Variants in DNAJC6 observed in about 807,000 individuals in gnomAD.
DNAJC6 encodes the protein DnaJ heat shock protein family (Hsp40) member C6.
DNAJC6 carries 34 observed loss-of-function variants against 110.0 expected under a neutral mutation model. The observed-to-expected ratio is 0.31, with a 90% CI of 0.24 to 0.41. The LOEUF (loss-of-function observed/expected upper bound fraction) is 0.41. Ranked by LOEUF, DNAJC6 falls within the 10% of genes least tolerant of loss-of-function variation. The pLI, the probability that DNAJC6 is intolerant of heterozygous loss-of-function variation, is 1.00. For missense variants in DNAJC6, 1,031 were observed against 1,207.8 expected, an observed-to-expected ratio of 0.85 and a Z score of 2.17; for synonymous variants, 406 against 437.2, an observed-to-expected ratio of 0.93 and a Z score of 0.89.
In DNAJC6 at chr1:65,349,875, A is replaced by C. The variant is rs543341380; in HGVS notation, c.194-14760A>C. On this transcript the variant is annotated intron_variant, in intron 1 of 18. Coordinates refer to ENST00000371069, the MANE Select transcript of DNAJC6 (RefSeq NM_001256864.2). ...AGGGACAATGTTGGTTCTCTAGGAA[A>C]CGTTTGGCAATGTTTGGAGGTATTT... 2.0e-5 allele frequency among the ~76,000 whole-genome samples: 3 copies of C among 152,236 alleles called. No homozygotes were observed. The South Asian group carries it at 6.2e-4, about 32-fold the overall frequency.
Position 65,386,867 on chromosome 1 carries a change from G to A in DNAJC6, c.1051G>A (p.Gly351Arg). The A allele has an allele frequency of 1.9e-6, 3 of 1,614,146 alleles. No individual in the cohort carries two copies. Among genetic ancestry groups the A allele is most frequent in the South Asian group, 1.1e-5 (1 of 91,082 alleles). ...IFIPLNITVQ[G>R]DVVVSMYHLR... ...CATTCCCTTGAACATCACTGTGCAA[G>A]GAGACGTGGTTGTTTCCATGTATCA... The change falls in exon 8 of 19, where the codon GGA (glycine) becomes AGA (arginine). Residue 351 changes from glycine (G) to arginine (R), a missense_variant. Gly to Arg is a moderately radical substitution (Grantham distance 125). Coordinates refer to ENST00000371069, the MANE Select transcript of DNAJC6 (RefSeq NM_001256864.2).
chr1:65,324,007 G>A (rs1258909643), intron 1 of DNAJC6, among the ~76,000 whole-genome samples: 4 of 152,188 alleles, frequency 2.6e-5, no homozygotes, highest in Admixed American at 2.6e-4. Flanking sequence ...AACTTGATAA[G>A]TGTTGGCTGT....
At chr1:65,289,596 T>C (rs956784431) in intron 1 of DNAJC6, among the ~76,000 whole-genome samples, 1 of 152,310 alleles carries the variant, frequency 6.6e-6, no homozygotes, top group Admixed American at 6.5e-5. Flanking sequence ...CATAAGTTTA[T>C]TGGGTATTTG....
intron 8 of DNAJC6, 29 bp downstream of exon 8, chr1:65,386,958 A>AGTTCAT (rs764488209): frequency 2.0e-6 from 3 of 1,538,248 alleles, no homozygotes; most frequent in Non-Finnish European, 2.7e-6. Context: ...TCATGGCATA[A>AGTTCAT]GTTCATCTGA....
In DNAJC6 at chr1:65,394,771, A is replaced by G. The variant is rs1374144193; in HGVS notation, c.1904-127A>G. 10 of 1,117,540 alleles carry G rather than the reference A, an allele frequency of 8.9e-6. No individual in the cohort carries two copies. The African/African-American group carries it at 9.7e-5, about 11-fold the overall frequency. 69.2% of individuals were successfully genotyped at this position (1,117,540 alleles called of 1,614,324 possible). The stretch of plus-strand genomic sequence containing the variant: ...TTCATCCAACAGGTAAGTCCAGACT[A>G]CTCCTTTGTCCACAAAGATAGGAAA... On this transcript the variant is annotated intron_variant, in intron 12 of 18. Coordinates refer to ENST00000371069, the MANE Select transcript of DNAJC6 (RefSeq NM_001256864.2).
At chr1:65,337,192 C>T (rs1189041840) in intron 1 of DNAJC6, among the ~76,000 whole-genome samples, 1 of 148,056 alleles carries the variant, frequency 6.8e-6, no homozygotes, top group African/African-American at 2.5e-5. Flanking sequence ...TCTCGTAGGT[C>T]GTGTTTTGTA....
At chr1:65,309,222 C>T (rs2101352820), upstream of DNAJC6, among the ~76,000 whole-genome samples, 1 of 152,086 alleles carries the variant, frequency 6.6e-6, no homozygotes, top group African/African-American at 2.4e-5. Flanking sequence ...CGAACACACC[C>T]TCCCAACCCA....
intron 13 of DNAJC6, among the ~76,000 whole-genome samples, chr1:65,395,350 GA>G (rs953107585): frequency 6.6e-6 from 1 of 152,038 alleles, no homozygotes; most frequent in Admixed American, 6.6e-5. Flanking sequence ...CAATAAGAAA[GA>G]AAAAAACACT....
intron 1 of DNAJC6, among the ~76,000 whole-genome samples, chr1:65,276,966 C>T (rs140268612): frequency 4.2e-4 from 64 of 152,314 alleles, no homozygotes; most frequent in Admixed American, 2.0e-3. Context: ...AGGCTCACCT[C>T]AGTGAGCCTC....
chr1:65,403,535 T>C (rs767786537), intron 15 of DNAJC6, among the ~76,000 whole-genome samples: 2 of 152,208 alleles, frequency 1.3e-5, no homozygotes, highest in Non-Finnish European at 2.9e-5. Context: ...ATATTCCTGT[T>C]CTTTGAAACT....
chr1:65,404,002 T>C, intron 15 of DNAJC6, among the ~76,000 whole-genome samples: 1 of 152,272 alleles, frequency 6.6e-6, no homozygotes, highest in Non-Finnish European at 1.5e-5. Flanking sequence ...TTACCAAATT[T>C]TAAAATAAAA....
chr1:65,360,522 A>G (rs1319223272), intron 1 of DNAJC6, among the ~76,000 whole-genome samples: 2 of 152,234 alleles, frequency 1.3e-5, no homozygotes, highest in Non-Finnish European at 2.9e-5. Flanking sequence ...TATATATCAA[A>G]GGGGTGTTCA....
chr1:65,289,264 C>T lies in DNAJC6; in HGVS notation c.-131+24332C>T, dbSNP rs547473940. ...AGGCTGGAGTGCAGTGGCACGATCTCGGCTCACTGCAACCTCCACTTTCCA... is the reference window on the plus strand; with the variant it reads ...AGGCTGGAGTGCAGTGGCACGATCTTGGCTCACTGCAACCTCCACTTTCCA... On this transcript the variant is annotated intron_variant, in intron 1 of 19. Coordinates refer to the DNAJC6 transcript ENST00000263441. Among the ~76,000 whole-genome samples the T allele has an allele frequency of 6.8e-4, 104 of 152,140 alleles. 1 individual carries two copies. The highest frequency in any genetic ancestry group is 2.4e-3 in the African/African-American group (101 of 41,520).
At chr1:65,328,831 C>T (rs1645263371) in intron 1 of DNAJC6, among the ~76,000 whole-genome samples, 1 of 152,168 alleles carries the variant, frequency 6.6e-6, no homozygotes, top group Non-Finnish European at 1.5e-5. Flanking sequence ...CCACCCTCCT[C>T]CAAACACATC....
intron 1 of DNAJC6, among the ~76,000 whole-genome samples, chr1:65,285,065 A>G (rs190060063): frequency 1.3e-5 from 2 of 152,230 alleles, no homozygotes; most frequent in Admixed American, 1.3e-4. Context: ...TATATTAATA[A>G]TTGTAATTAT....
At chr1:65,377,949 C>G (rs1337927543) in intron 4 of DNAJC6, among the ~76,000 whole-genome samples, 1 of 152,172 alleles carries the variant, frequency 6.6e-6, no homozygotes, top group East Asian at 1.9e-4. Context: ...ATCCTTCTAT[C>G]CAGCCATTCA....
intron 1 of DNAJC6, among the ~76,000 whole-genome samples, chr1:65,265,398 C>T (rs1653280409): frequency 6.6e-6 from 1 of 152,114 alleles, no homozygotes; most frequent in Non-Finnish European, 1.5e-5. Context: ...GAACATTAAT[C>T]TTTTTAGAAG....
intron 1 of DNAJC6, among the ~76,000 whole-genome samples, chr1:65,276,016 G>A (rs990591495): frequency 6.6e-6 from 1 of 151,920 alleles, no homozygotes; most frequent in South Asian, 2.1e-4. Context: ...TGAGTAGCTG[G>A]GATTACAGGC....
At chr1:65,305,656 T>A (rs12065215), upstream of DNAJC6, among the ~76,000 whole-genome samples, 9,054 of 152,178 alleles carry the variant, frequency 0.059, 324 homozygotes, top group Non-Finnish European at 0.079. Flanking sequence ...AAAACATGGA[T>A]TTTTGCCCTC....
Sources: allele counts gnomAD v4.1 joint callset (sites outside exome capture counted in the v4.1 genomes callset), GRCh38; gene constraint gnomAD v4.1.1; transcripts MANE v1.5; gene names NCBI Gene and HGNC (gene_info 2026-07-23, HGNC 2026-07-21).